MLIP: variants seen among roughly 807,000 people sequenced by gnomAD.
MLIP encodes the protein muscular LMNA-interacting protein.
In MLIP, 79 loss-of-function variants were observed where a neutral mutation model predicts 84.8. The observed-to-expected ratio is 0.93, with a 90% CI of 0.78 to 1.12. The LOEUF (loss-of-function observed/expected upper bound fraction) is 1.12. Among genes scored for constraint, MLIP ranks in the 50% most tolerant of loss-of-function variants. MLIP has a pLI of 0.00. For missense variants in MLIP, 1,257 were observed against 1,160.6 expected, an observed-to-expected ratio of 1.08 and a Z score of -1.21; for synonymous variants, 504 against 463.0, an observed-to-expected ratio of 1.09 and a Z score of -1.14.
rs1582429462 is a variant in MLIP at position 54,184,262 on chromosome 6, A to G, written c.2545-5608A>G. Among the ~76,000 whole-genome samples, 4 of 152,216 alleles carry G rather than the reference A, an allele frequency of 2.6e-5. No individual in the cohort carries two copies. The South Asian group carries it at 8.3e-4, about 31-fold the overall frequency. On this transcript the variant is annotated intron_variant, in intron 9 of 13. Transcript: ENST00000502396. ...AAAAGAAGCATCTTAACGGTATCAAACCTGACATTATATTCAGGTGGAAGG... is the reference window on the plus strand; with the variant it reads ...AAAAGAAGCATCTTAACGGTATCAAGCCTGACATTATATTCAGGTGGAAGG...
intron 1 of MLIP, among the ~76,000 whole-genome samples, chr6:54,076,706 G>A (rs564242889): frequency 2.0e-5 from 3 of 152,222 alleles, no homozygotes; most frequent in Non-Finnish European, 4.4e-5. Flanking sequence ...CAAAATCAAA[G>A]CCTGAATACA....
chr6:54,107,390 T>C (rs1280944), upstream of MLIP, among the ~76,000 whole-genome samples: 149,829 of 152,298 alleles, frequency 0.98, 73,754 homozygotes, highest in Non-Finnish European at 1. Flanking sequence ...TTTCACATAT[T>C]GTTGATGAGA....
At chr6:54,026,436 T>C (rs947243660) in intron 1 of MLIP, among the ~76,000 whole-genome samples, 4 of 152,254 alleles carry the variant, frequency 2.6e-5, no homozygotes, top group Non-Finnish European at 5.9e-5. Flanking sequence ...TAATTCCATC[T>C]TAATTTCTTT....
chr6:54,144,647 T>C (rs549217349), intron 4 of MLIP, among the ~76,000 whole-genome samples: 204 of 152,324 alleles, frequency 1.3e-3, no homozygotes, highest in African/African-American at 4.9e-3. Context: ...TCATACACGC[T>C]CACCTGCTGT....
intron 1 of MLIP, among the ~76,000 whole-genome samples, chr6:54,057,585 T>C (rs191257473): frequency 1.3e-5 from 2 of 152,350 alleles, no homozygotes; most frequent in Admixed American, 1.3e-4. Flanking sequence ...TTTCTCCTTC[T>C]GCAGAAATCT....
chr6:54,135,905 C>T (rs903524979), intron 3 of MLIP, among the ~76,000 whole-genome samples: 12 of 152,046 alleles, frequency 7.9e-5, no homozygotes, highest in African/African-American at 2.9e-4. Context: ...TTCTTTATTT[C>T]CTCTTTATTT....
intron 8 of MLIP, among the ~76,000 whole-genome samples, chr6:54,162,143 A>G (rs1774704297): frequency 6.6e-6 from 1 of 152,010 alleles, no homozygotes; most frequent in African/African-American, 2.4e-5. Context: ...GGCACTAGGA[A>G]CATAAGCAAG....
chr6:54,114,013 G>C (rs945034022), intron 1 of MLIP, among the ~76,000 whole-genome samples: 1 of 152,126 alleles, frequency 6.6e-6, no homozygotes, highest in African/African-American at 2.4e-5. Context: ...TTTATATTTG[G>C]ACTGGTTCCT....
chr6:54,191,749 C>T (rs1469201404), intron 10 of MLIP, among the ~76,000 whole-genome samples: 2 of 151,974 alleles, frequency 1.3e-5, no homozygotes, highest in African/African-American at 4.8e-5. Flanking sequence ...AATGACTTCC[C>T]ACTTTAGATA....
chr6:54,177,890 T>C (rs972769240), intron 9 of MLIP, among the ~76,000 whole-genome samples: 6 of 152,124 alleles, frequency 3.9e-5, no homozygotes, highest in African/African-American at 1.4e-4. Flanking sequence ...TCATGTCTTT[T>C]GCGGGAACAT....
chr6:54,216,732 G>A, intron 11 of MLIP: 3 of 985,316 alleles, frequency 3.0e-6, no homozygotes, highest in Non-Finnish European at 3.6e-6. Context: ...ATGTCTGTTT[G>A]AAAAAATGCA....
At chr6:54,102,582 TG>T (rs1768732905) in intron 1 of MLIP, among the ~76,000 whole-genome samples, 1 of 152,168 alleles carries the variant, frequency 6.6e-6, no homozygotes, top group South Asian at 2.1e-4. Context: ...CACTTTAAAG[TG>T]ACAAAATTAA....
At position 54,189,850 on chromosome 6, in the gene MLIP, G is replaced by A; in HGVS notation, c.2545-20G>A. ...TAAATTATGAGTTTCACTAATAAAT[G>A]CCATGTTTATGTTTTGCAGGCAAAT... is the stretch of plus-strand genomic sequence containing the variant. On this transcript the variant is annotated intron_variant, in intron 9 of 13. Coordinates refer to ENST00000502396, the MANE Select transcript of MLIP (RefSeq NM_001281747.2). 2 of 1,564,650 alleles carry A rather than the reference G, an allele frequency of 1.3e-6. No homozygotes were observed. Among genetic ancestry groups the A allele is most frequent in the South Asian group, 1.1e-5 (1 of 89,312 alleles).
At chr6:54,244,739 T>A (rs1392410407) in intron 12 of MLIP, among the ~76,000 whole-genome samples, 2 of 152,174 alleles carry the variant, frequency 1.3e-5, no homozygotes, top group Non-Finnish European at 2.9e-5. Context: ...GGCTTTTAAA[T>A]TTTTTCCAGG....
intron 1 of MLIP, among the ~76,000 whole-genome samples, chr6:54,060,727 AG>A (rs1158842182): frequency 2.0e-5 from 3 of 152,218 alleles, no homozygotes; most frequent in African/African-American, 7.2e-5. Context: ...TAGAGAAAAA[AG>A]GTATTTAAAT....
At chr6:54,119,153 T>A (rs573055975) in intron 1 of MLIP, among the ~76,000 whole-genome samples, 1 of 152,326 alleles carries the variant, frequency 6.6e-6, no homozygotes, top group East Asian at 1.9e-4. Flanking sequence ...ATATTAAAAA[T>A]ACAACTACCA....
intron 1 of MLIP, among the ~76,000 whole-genome samples, chr6:54,035,858 T>C (rs1764406481): frequency 6.6e-6 from 1 of 152,070 alleles, no homozygotes; most frequent in Non-Finnish European, 1.5e-5. Context: ...AAAAAATATA[T>C]TCTAGATGCA....
At chr6:54,082,613 AT>A (rs1767233453) in intron 1 of MLIP, among the ~76,000 whole-genome samples, 1 of 152,144 alleles carries the variant, frequency 6.6e-6, no homozygotes, top group Non-Finnish European at 1.5e-5. Context: ...AGATTTACCA[AT>A]TTATTCTCCC....
chr6:54,166,180 C>T (rs957642953), intron 8 of MLIP, among the ~76,000 whole-genome samples: 1 of 151,918 alleles, frequency 6.6e-6, no homozygotes, highest in Non-Finnish European at 1.5e-5. Flanking sequence ...ATGACAGCTA[C>T]AGATGCAAGA....
Sources: allele counts gnomAD v4.1 joint callset (sites outside exome capture counted in the v4.1 genomes callset), GRCh38; gene constraint gnomAD v4.1.1; transcripts MANE v1.5; gene names NCBI Gene and HGNC (gene_info 2026-07-23, HGNC 2026-07-21).